AGBL4: variants seen among roughly 807,000 people sequenced by gnomAD.
AGBL4 encodes the protein cytosolic carboxypeptidase 6.
Under a neutral mutation model 66.4 loss-of-function variants are expected in AGBL4, and 58 were observed. That is an observed-to-expected ratio of 0.87 (90% CI 0.71 to 1.09). The LOEUF (loss-of-function observed/expected upper bound fraction) is 1.09. Ranked by LOEUF, AGBL4 falls within the 50% of genes least tolerant of loss-of-function variation. The probability of loss-of-function intolerance (pLI) is 0.00; values close to 1 mark genes in which losing one functional copy is unlikely to be tolerated. For synonymous variants in AGBL4, 234 were observed against 222.9 expected (o/e 1.05, Z -0.44); for missense variants, 579 against 631.0 (o/e 0.92, Z 0.88).
At chr1:48,925,934 G>A (rs1179790549) in intron 5 of AGBL4, among the ~76,000 whole-genome samples, 2 of 152,106 alleles carry the variant, frequency 1.3e-5, no homozygotes, top group East Asian at 3.9e-4. Context: ...CCTCATCTCT[G>A]CCATCCCCCA....
intron 3 of AGBL4, among the ~76,000 whole-genome samples, chr1:49,339,274 T>C (rs368886520): frequency 6.6e-6 from 1 of 152,210 alleles, no homozygotes; most frequent in East Asian, 1.9e-4. Context: ...ATTTCTATAT[T>C]AAGTAAATTA....
At chr1:49,052,892 G>T (rs1176826702) in intron 4 of AGBL4, among the ~76,000 whole-genome samples, 1 of 152,136 alleles carries the variant, frequency 6.6e-6, no homozygotes, top group African/African-American at 2.4e-5. Flanking sequence ...TTTTAGAAAT[G>T]CAGTCATTGT....
intron 3 of AGBL4, among the ~76,000 whole-genome samples, chr1:49,480,663 T>G (rs936573746): frequency 2.0e-5 from 3 of 152,110 alleles, no homozygotes; most frequent in Non-Finnish European, 4.4e-5. Context: ...CTTGTCAATT[T>G]TTGTTTCTGT....
intron 1 of AGBL4, among the ~76,000 whole-genome samples, chr1:49,870,878 G>A (rs1451286075): frequency 1.3e-5 from 2 of 152,006 alleles, no homozygotes; most frequent in Admixed American, 1.3e-4. Flanking sequence ...TTGAAATATT[G>A]GAACCTTTGT....
chr1:49,943,519 G>A (rs936877035), intron 1 of AGBL4, among the ~76,000 whole-genome samples: 4 of 152,108 alleles, frequency 2.6e-5, no homozygotes, highest in Non-Finnish European at 5.9e-5. Context: ...CCTGACTGGG[G>A]AACCTGAAGG....
At chr1:49,887,771 T>C (rs1648219869) in intron 1 of AGBL4, among the ~76,000 whole-genome samples, 1 of 152,128 alleles carries the variant, frequency 6.6e-6, no homozygotes, top group East Asian at 1.9e-4. Context: ...AAATGACAGA[T>C]ATCTGCATGG....
intron 2 of AGBL4, among the ~76,000 whole-genome samples, chr1:49,817,049 C>T (rs949021801): frequency 1.3e-5 from 2 of 152,192 alleles, no homozygotes; most frequent in Non-Finnish European, 2.9e-5. Context: ...ACCCACATCC[C>T]TGAAGAGGCA....
chr1:49,121,818 G>A (rs1184714934), intron 4 of AGBL4, among the ~76,000 whole-genome samples: 1 of 152,236 alleles, frequency 6.6e-6, no homozygotes, highest in Non-Finnish European at 1.5e-5. Context: ...CCACAGAGGT[G>A]GAGTCTATAG....
intron 2 of AGBL4, among the ~76,000 whole-genome samples, chr1:49,778,048 T>C (rs569706359): frequency 6.6e-6 from 1 of 152,240 alleles, no homozygotes; most frequent in African/African-American, 2.4e-5. Context: ...GCATTTCTCA[T>C]TTTCCCCAAA....
intron 3 of AGBL4, among the ~76,000 whole-genome samples, chr1:49,598,275 G>A (rs1317153524): frequency 5.3e-5 from 8 of 152,188 alleles, no homozygotes; most frequent in South Asian, 2.1e-4. Flanking sequence ...CGTTCCTTTG[G>A]AGGAGGAGAT....
At chr1:49,207,590 C>CTTTCTTTCTT (rs1300562248) in intron 4 of AGBL4, among the ~76,000 whole-genome samples, 34 of 106,716 alleles carry the variant, frequency 3.2e-4, no homozygotes, top group Admixed American at 1.2e-3. Flanking sequence ...TTCTTTCTTT[C>CTTTCTTTCTT]TTTCTTTCTT....
intron 6 of AGBL4, among the ~76,000 whole-genome samples, chr1:48,768,210 G>T (rs1644627428): frequency 6.6e-6 from 1 of 152,006 alleles, no homozygotes; most frequent in African/African-American, 2.4e-5. Flanking sequence ...TTCCTAAAGT[G>T]CCTGCCTTTC....
intron 6 of AGBL4, among the ~76,000 whole-genome samples, chr1:48,703,662 A>G: frequency 6.6e-6 from 1 of 152,240 alleles, no homozygotes; most frequent in East Asian, 1.9e-4. Context: ...GATCTTGGCA[A>G]AATAAACCTC....
chr1:49,448,442 G>A (rs181811039), intron 3 of AGBL4, among the ~76,000 whole-genome samples: 5 of 152,236 alleles, frequency 3.3e-5, no homozygotes, highest in South Asian at 2.1e-4. Context: ...GTCTCTCCCC[G>A]ATTCAGAATG....
rs535261207 is a variant in AGBL4, at chr1:49,742,804, G to T, written c.158-45367C>A. The stretch of plus-strand genomic sequence containing the variant: ...CTGACAAAAACAAGAAATGGGGAAA[G>T]GATTCCCTATTTAATAAATGGTGCT... On this transcript the variant is annotated intron_variant, in intron 2 of 13. Coordinates refer to ENST00000371839, the MANE Select transcript of AGBL4 (RefSeq NM_032785.4). Among the ~76,000 whole-genome samples the T allele has an allele frequency of 2.6e-5, 4 of 152,186 alleles. No individual in the cohort carries two copies. In the South Asian group the frequency reaches 8.3e-4, roughly 32 times the overall value.
At chr1:49,067,475 T>A (rs893346414) in intron 4 of AGBL4, among the ~76,000 whole-genome samples, 2 of 152,210 alleles carry the variant, frequency 1.3e-5, no homozygotes, top group African/African-American at 4.8e-5. Flanking sequence ...CTTTCTGTTC[T>A]TGTAATACAC....
chr1:49,058,321 C>T (rs971669241), intron 4 of AGBL4, among the ~76,000 whole-genome samples: 70 of 152,116 alleles, frequency 4.6e-4, no homozygotes, highest in African/African-American at 1.5e-3. Flanking sequence ...GGGCGGTTAC[C>T]CCCATGCTGC....
At chr1:49,368,497 G>T (rs571212734) in intron 3 of AGBL4, among the ~76,000 whole-genome samples, 1 of 151,990 alleles carries the variant, frequency 6.6e-6, no homozygotes, top group Non-Finnish European at 1.5e-5. Context: ...TTTTTTTACA[G>T]ATTAAAGTAA....
At chr1:49,011,728 G>T (rs1662433412) in intron 5 of AGBL4, among the ~76,000 whole-genome samples, 1 of 152,084 alleles carries the variant, frequency 6.6e-6, no homozygotes, top group African/African-American at 2.4e-5. Context: ...CATGTCCTTT[G>T]TAGGGACATG....
Sources: allele counts gnomAD v4.1 joint callset (sites outside exome capture counted in the v4.1 genomes callset), GRCh38; gene constraint gnomAD v4.1.1; transcripts MANE v1.5; gene names NCBI Gene and HGNC (gene_info 2026-07-23, HGNC 2026-07-21).